ARID1B: variants seen among roughly 807,000 people sequenced by gnomAD.
ARID1B encodes the protein AT-rich interactive domain-containing protein 1B.
ARID1B carries 30 observed loss-of-function variants against 212.3 expected under a neutral mutation model. That is an observed-to-expected ratio of 0.14 (90% confidence interval 0.11 to 0.19). ARID1B has a LOEUF of 0.19. Among genes scored for constraint, ARID1B ranks in the 10% least tolerant of loss-of-function variants. The pLI, the probability that ARID1B is intolerant of heterozygous loss-of-function variation, is 1.00. For synonymous variants in ARID1B, 1,402 were observed against 1,301.7 expected, an observed-to-expected ratio of 1.08 and a Z score of -1.66; for missense variants, 2,891 against 3,204.0, an observed-to-expected ratio of 0.90 and a Z score of 2.36.
intron 4 of ARID1B, among the ~76,000 whole-genome samples, chr6:157,079,738 A>G (rs1358452172): frequency 2.0e-5 from 3 of 152,122 alleles, no homozygotes; most frequent in Non-Finnish European, 4.4e-5. Context: ...TTTTCTGTAG[A>G]GCTTATAAAT....
intron 4 of ARID1B, among the ~76,000 whole-genome samples, chr6:156,951,643 C>G (rs1793599175): frequency 6.6e-6 from 1 of 152,058 alleles, no homozygotes; most frequent in South Asian, 2.1e-4. Flanking sequence ...TGGGGTTTCA[C>G]TGTATTAGCC....
At chr6:157,198,728 A>G (rs1583496161) in intron 16 of ARID1B, 83 bp from the exon 17 acceptor site, 1 of 1,201,192 alleles carries the variant, frequency 8.3e-7, no homozygotes, top group Non-Finnish European at 1.2e-6. Context: ...TGAGGGAGTC[A>G]GGGTTCCAGA....
intron 4 of ARID1B, chr6:156,937,820 T>C (rs1052464519): frequency 3.3e-5 from 5 of 152,228 alleles, no homozygotes; most frequent in African/African-American, 1.2e-4. Flanking sequence ...TTATCTTGCC[T>C]ACTTCCCAAA....
At position 157,206,181 on chromosome 6, in the gene ARID1B, C is replaced by A. The variant is rs766430210; in HGVS notation, c.5409C>A (p.Leu1803=). ...TFNLSQLSGF[L]ELLVEYFRKC... ...CTCCTCTCCAGTTGTCTGGATTTCT[C>A]GAACTTTTAGTCGAGTACTTTAGAA... Residue 1803 remains leucine (L), a synonymous_variant, in exon 20 of 20, where the codon CTC becomes CTA. Transcript: ENST00000636930. This position sits in a 1 kb window ranked among gnomAD's most constrained non-coding sequence, Gnocchi z 6.8. 1 of 1,613,900 alleles carries A rather than the reference C, an allele frequency of 6.2e-7. No homozygotes were observed. Among genetic ancestry groups the A allele is most frequent in the African/African-American group, 1.3e-5 (1 of 75,004 alleles).
rs559841008 is a variant in ARID1B at position 157,190,526 on chromosome 6, G to A, written c.4231+316G>A. Reference sequence around the variant, plus strand: ...AGAAATTGGGAAAATAATAGGACCCGCTTCCAAAGGCATGGCGAGGATTAA... The same window carrying A: ...AGAAATTGGGAAAATAATAGGACCCACTTCCAAAGGCATGGCGAGGATTAA... On this transcript the variant is annotated intron_variant, in intron 15 of 19. Transcript: ENST00000636930. The surrounding 1 kb of genome is among the most constrained non-coding windows in gnomAD (Gnocchi z 4.6). Among the ~76,000 whole-genome samples the A allele has an allele frequency of 6.6e-6, 1 of 152,200 alleles. No individual in the cohort carries two copies. Among genetic ancestry groups the A allele is most frequent in the Non-Finnish European group, 1.5e-5 (1 of 68,042 alleles).
At chr6:156,902,724 A>G (rs1582911509) in intron 3 of ARID1B, among the ~76,000 whole-genome samples, 2 of 134,606 alleles carry the variant, frequency 1.5e-5, no homozygotes, top group East Asian at 2.4e-4. Context: ...CAACAGAGTG[A>G]GACTCTGTCT....
At chr6:157,088,082 C>T (rs1296042399) in intron 5 of ARID1B, among the ~76,000 whole-genome samples, 4 of 152,216 alleles carry the variant, frequency 2.6e-5, no homozygotes, top group Non-Finnish European at 5.9e-5. Context: ...GTGGAGGCCA[C>T]ATCAGCTAAC....
intron 5 of ARID1B, among the ~76,000 whole-genome samples, chr6:157,096,949 T>C (rs1268700858): frequency 6.6e-6 from 1 of 152,230 alleles, no homozygotes; most frequent in African/African-American, 2.4e-5. Flanking sequence ...CTGGTTTCCT[T>C]CAAATATACA....
chr6:156,806,246 G>T (rs528412937), intron 1 of ARID1B, among the ~76,000 whole-genome samples: 3 of 152,096 alleles, frequency 2.0e-5, no homozygotes, highest in Non-Finnish European at 4.4e-5. Context: ...AACTTTTAAA[G>T]GTTTTTAAAT....
rs1794647205 is a variant in ARID1B, at chr6:157,208,913, G to GT, written c.*1023dup. ...GAGGGTAATGTACAAGTTTCTGTAT[G>GT]TATAAAGTCATGCTCGATTTCAGGA... On this transcript the variant is annotated 3_prime_UTR_variant, in exon 20 of 20. Transcript: ENST00000636930. 1 of 228,538 alleles carries GT rather than the reference G, an allele frequency of 4.4e-6. No individual in the cohort carries two copies. Among genetic ancestry groups the GT allele is most frequent in the Non-Finnish European group, 8.6e-6 (1 of 115,608 alleles). The allele number at this position is 228,538 out of a possible 1,614,324, so 14.2% of individuals were successfully genotyped here.
chr6:157,028,442 G>A (rs111924518), intron 4 of ARID1B, among the ~76,000 whole-genome samples: 22 of 152,284 alleles, frequency 1.4e-4, no homozygotes, highest in African/African-American at 5.1e-4. Flanking sequence ...TTTACATAAA[G>A]ATCTAAAGGG....
At chr6:157,128,421 C>T (rs1486641355) in intron 6 of ARID1B, among the ~76,000 whole-genome samples, 1 of 152,180 alleles carries the variant, frequency 6.6e-6, no homozygotes, top group Non-Finnish European at 1.5e-5. Context: ...TGGTGGCCCA[C>T]ACCTGTAGTC....
At chr6:156,965,188 A>C (rs111898316) in intron 4 of ARID1B, among the ~76,000 whole-genome samples, 3 of 152,192 alleles carry the variant, frequency 2.0e-5, no homozygotes, top group African/African-American at 7.2e-5. Context: ...TATTTTTTAA[A>C]CACAGTTTTT....
chr6:156,829,693 G>A, intron 2 of ARID1B: 1 of 337,132 alleles, frequency 3.0e-6, no homozygotes, highest in Non-Finnish European at 5.4e-6. Flanking sequence ...ATTTGCAGCA[G>A]GTTATAACAG....
At chr6:157,049,717 T>C (rs1782466417) in intron 4 of ARID1B, among the ~76,000 whole-genome samples, 1 of 152,212 alleles carries the variant, frequency 6.6e-6, no homozygotes, top group South Asian at 2.1e-4. Flanking sequence ...GCTTATCTTA[T>C]CCATTAAATA....
chr6:156,932,145 A>AAGG (rs796243149), intron 3 of ARID1B, among the ~76,000 whole-genome samples: 23 of 61,376 alleles, frequency 3.7e-4, no homozygotes, highest in Middle Eastern at 9.6e-3. Flanking sequence ...AAAAAAAAAA[A>AAGG]GGGGGGGGGC....
intron 13 of ARID1B, chr6:157,186,166 G>C (rs2128330400): frequency 3.8e-6 from 1 of 266,492 alleles, no homozygotes; most frequent in African/African-American, 2.2e-5. Context: ...CTCCCAGTGT[G>C]CATCAGCTTC....
At chr6:156,890,571 G>C (rs1423503960) in intron 2 of ARID1B, among the ~76,000 whole-genome samples, 1 of 152,204 alleles carries the variant, frequency 6.6e-6, no homozygotes, top group East Asian at 1.9e-4. Context: ...TTACCTGTTA[G>C]GAAGGAACCA....
chr6:156,778,847 G>GGGC lies in ARID1B; in HGVS notation c.1191_1193dup (p.Gly402dup), dbSNP rs587779747. The GGGC allele has an allele frequency of 2.2e-3, 3,034 of 1,403,452 alleles. 20 individuals carry two copies. The African/African-American group carries it at 0.022, about 10-fold the overall frequency. The allele number at this position is 1,403,452 out of a possible 1,614,324, so 86.9% of individuals were successfully genotyped here. ...ATCCGGGCTACAGCCGGCCCGGCGC[G>GGGC]GGCGGCGGCGGCGGCGGCGGCGGCG... On this transcript the variant is annotated inframe_insertion, in exon 1 of 20. Transcript: ENST00000636930.
Sources: allele counts gnomAD v4.1 joint callset (sites outside exome capture counted in the v4.1 genomes callset), GRCh38; gene constraint gnomAD v4.1.1; non-coding constraint Gnocchi (gnomAD v3.1); transcripts MANE v1.5; gene names NCBI Gene and HGNC (gene_info 2026-07-23, HGNC 2026-07-21).